Variants in C8orf34 observed in about 807,000 individuals in gnomAD.
C8orf34 encodes chromosome 8 open reading frame 34.
A neutral mutation model predicts 68.3 loss-of-function variants in C8orf34; 65 were observed. The ratio of observed to expected loss-of-function variants is 0.95; its 90% CI spans 0.78 to 1.17. C8orf34 has a LOEUF of 1.17. C8orf34 is among the 50% of genes most tolerant of loss of function. The probability of loss-of-function intolerance (pLI) is 0.00; values close to 1 mark genes in which losing one functional copy is unlikely to be tolerated. For missense variants in C8orf34, 664 were observed against 655.4 expected (o/e 1.01, Z -0.14); for synonymous variants, 244 against 241.2 (o/e 1.01, Z -0.11).
At chr8:68,539,091 A>G (rs1815601534) in intron 7 of C8orf34, among the ~76,000 whole-genome samples, 1 of 152,212 alleles carries the variant, frequency 6.6e-6, no homozygotes, top group South Asian at 2.1e-4. Flanking sequence ...AAGCAGCACA[A>G]TTTGATGGTT....
At chr8:68,525,747 C>A in intron 6 of C8orf34, 1 of 631,968 alleles carries the variant, frequency 1.6e-6, no homozygotes, top group South Asian at 1.4e-5. Context: ...GCTCTGTGAT[C>A]ATCAATGATT....
intron 7 of C8orf34, among the ~76,000 whole-genome samples, chr8:68,570,756 C>G (rs970566189): frequency 4.6e-5 from 7 of 152,082 alleles, no homozygotes; most frequent in African/African-American, 1.2e-4. Context: ...AGTGCCAACC[C>G]CAGAGCTGCT....
At chr8:68,398,972 C>T (rs980107817) in intron 1 of C8orf34, among the ~76,000 whole-genome samples, 2 of 152,000 alleles carry the variant, frequency 1.3e-5, no homozygotes, top group Admixed American at 1.3e-4. Flanking sequence ...TAATACTCTG[C>T]TGTTATTGTC....
chr8:68,581,663 G>A (rs973582646), intron 7 of C8orf34, among the ~76,000 whole-genome samples: 7 of 152,130 alleles, frequency 4.6e-5, no homozygotes, highest in African/African-American at 1.2e-4. Flanking sequence ...CTATGATCAG[G>A]AAGCATCATG....
chr8:68,797,360 T>G (rs1336579218), intron 12 of C8orf34, among the ~76,000 whole-genome samples: 2 of 152,046 alleles, frequency 1.3e-5, no homozygotes, highest in Non-Finnish European at 2.9e-5. Flanking sequence ...AGAATGAAGG[T>G]CTCCTGATTG....
At chr8:68,538,548 A>G (rs1815577407) in intron 7 of C8orf34, among the ~76,000 whole-genome samples, 1 of 151,984 alleles carries the variant, frequency 6.6e-6, no homozygotes, top group South Asian at 2.1e-4. Context: ...CTTTTCTTCT[A>G]GATAAATTTA....
At chr8:68,570,144 G>A (rs766927058) in intron 7 of C8orf34, among the ~76,000 whole-genome samples, 4 of 152,144 alleles carry the variant, frequency 2.6e-5, no homozygotes, top group Non-Finnish European at 5.9e-5. Context: ...CATTCCTACA[G>A]GGCACACCTG....
In C8orf34 at chr8:68,666,446, A is replaced by T. The variant is rs16919102; in HGVS notation, c.1241+25935A>T. Among the ~76,000 whole-genome samples, 591 of 152,312 alleles carry T rather than the reference A, an allele frequency of 3.9e-3. 3 individuals carry two copies. The highest frequency in any genetic ancestry group is 0.013 in the African/African-American group (555 of 41,574). On this transcript the variant is annotated intron_variant, in intron 8 of 13. Coordinates refer to ENST00000518698, the MANE Select transcript of C8orf34 (RefSeq NM_052958.4). ...TTGCTGTTTAAAGGAGAATGAAAGGATTTTCAGAGTTATTAAAAAGGCAGA... is the reference window on the plus strand; with the variant it reads ...TTGCTGTTTAAAGGAGAATGAAAGGTTTTTCAGAGTTATTAAAAAGGCAGA...
intron 12 of C8orf34, among the ~76,000 whole-genome samples, chr8:68,812,513 T>C (rs1381875129): frequency 6.6e-6 from 1 of 152,128 alleles, no homozygotes; most frequent in African/African-American, 2.4e-5. Context: ...ACACATAGGA[T>C]TATCCATTTT....
intron 12 of C8orf34, among the ~76,000 whole-genome samples, chr8:68,797,156 C>T (rs142998052): frequency 5.8e-4 from 88 of 152,170 alleles, no homozygotes; most frequent in East Asian, 5.2e-3. Flanking sequence ...TGCCTATGCA[C>T]GTCTATTTTC....
intron 8 of C8orf34, among the ~76,000 whole-genome samples, chr8:68,655,146 T>C (rs1014470901): frequency 2.0e-5 from 3 of 152,136 alleles, no homozygotes; most frequent in African/African-American, 7.2e-5. Context: ...AATATGTAAA[T>C]AGCTTTAGAT....
chr8:68,333,968 G>A (rs1008586281), intron 1 of C8orf34, among the ~76,000 whole-genome samples: 1 of 152,146 alleles, frequency 6.6e-6, no homozygotes, highest in Non-Finnish European at 1.5e-5. Flanking sequence ...AACTTAATTG[G>A]TATGAGATAC....
intron 4 of C8orf34, among the ~76,000 whole-genome samples, chr8:68,482,058 C>T (rs937520475): frequency 2.0e-5 from 3 of 152,166 alleles, no homozygotes; most frequent in African/African-American, 4.8e-5. Context: ...AGAATTCCCA[C>T]GTGTTGTGGG....
intron 7 of C8orf34, among the ~76,000 whole-genome samples, chr8:68,594,385 A>C (rs6999118): frequency 0.59 from 89,817 of 151,790 alleles, 26,806 homozygotes; most frequent in African/African-American, 0.64. Flanking sequence ...TATGATTCCT[A>C]CTTTCCTCTT....
intron 7 of C8orf34, among the ~76,000 whole-genome samples, chr8:68,546,324 C>T (rs576477835): frequency 2.3e-3 from 356 of 152,042 alleles, no homozygotes; most frequent in Non-Finnish European, 3.3e-3. Flanking sequence ...CTATAAGATT[C>T]ACACTCTGAA....
At chr8:68,436,578 G>A (rs989185717) in intron 1 of C8orf34, among the ~76,000 whole-genome samples, 1 of 151,936 alleles carries the variant, frequency 6.6e-6, no homozygotes, top group South Asian at 2.1e-4. Context: ...TTTCTCCCAG[G>A]GAATCTCATG....
intron 1 of C8orf34, among the ~76,000 whole-genome samples, chr8:68,427,827 A>G (rs540975555): frequency 1.3e-5 from 2 of 151,902 alleles, no homozygotes; most frequent in Admixed American, 1.3e-4. Flanking sequence ...CCCTTTGCAC[A>G]TTTCTTTGCA....
chr8:68,373,102 T>A (rs888257691), intron 1 of C8orf34, among the ~76,000 whole-genome samples: 1 of 152,254 alleles, frequency 6.6e-6, no homozygotes, highest in Middle Eastern at 3.4e-3. Context: ...TTCAATCAAT[T>A]CTCCTGCATC....
intron 8 of C8orf34, among the ~76,000 whole-genome samples, chr8:68,666,913 TA>T (rs1231305204): frequency 6.6e-6 from 1 of 152,198 alleles, no homozygotes; most frequent in African/African-American, 2.4e-5. Flanking sequence ...ATCTTGCATA[TA>T]AAAATGCATC....
Sources: gnomAD v4.1 joint callset for allele counts (sites outside exome capture counted in the v4.1 genomes callset) on GRCh38, gnomAD v4.1.1 for gene constraint, MANE v1.5 for transcripts, NCBI Gene and HGNC (gene_info 2026-07-23, HGNC 2026-07-21) for gene names.